RNF6: variants seen among roughly 807,000 people sequenced by gnomAD.
RNF6 encodes the protein ring finger protein 6, also known as E3 ubiquitin-protein ligase RNF6.
RNF6 carries 21 observed loss-of-function variants against 50.1 expected under a neutral mutation model. The ratio of observed to expected loss-of-function variants is 0.42; its 90% confidence interval spans 0.30 to 0.60. The LOEUF is 0.60. RNF6 is among the 20% of genes least tolerant of loss of function. RNF6 has a pLI of 0.20. For missense variants in RNF6, 698 were observed against 838.2 expected (o/e 0.83, Z 2.07); for synonymous variants, 255 against 291.8 (o/e 0.87, Z 1.29).
chr13:26,175,635 A>G (rs957443862), intron 5 of RNF6, among the ~76,000 whole-genome samples: 4 of 152,154 alleles, frequency 2.6e-5, no homozygotes, highest in African/African-American at 9.7e-5. Context: ...GGTGCAGGCC[A>G]AGAGCTGCCT....
At chr13:26,142,061 G>A (rs1341860488) in intron 5 of RNF6, among the ~76,000 whole-genome samples, 1 of 151,930 alleles carries the variant, frequency 6.6e-6, no homozygotes, top group Non-Finnish European at 1.5e-5. Flanking sequence ...ATTAAAACGT[G>A]GGCTAAGAAC....
chr13:26,192,811 C>T (rs1868514581), intron 5 of RNF6, among the ~76,000 whole-genome samples: 1 of 152,174 alleles, frequency 6.6e-6, no homozygotes, highest in South Asian at 2.1e-4. Flanking sequence ...AGATGAGACC[C>T]CAGCCTTGGC....
chr13:26,203,111 G>T (rs1216429995), intron 5 of RNF6, among the ~76,000 whole-genome samples: 1 of 152,230 alleles, frequency 6.6e-6, no homozygotes, highest in Admixed American at 6.5e-5. Flanking sequence ...GCCATGAGCT[G>T]ACATCTGTCA....
intron 5 of RNF6, chr13:26,154,036 T>C (rs1459728092): frequency 6.6e-6 from 1 of 152,250 alleles, no homozygotes; most frequent in Non-Finnish European, 1.5e-5. Context: ...CCTTAAACTC[T>C]TTAAGAATCC....
chr13:26,193,856 C>T (rs1868556437), intron 5 of RNF6, among the ~76,000 whole-genome samples: 1 of 152,106 alleles, frequency 6.6e-6, no homozygotes, highest in African/African-American at 2.4e-5. Context: ...GAGAAAAGAG[C>T]ATGCATGGGC....
chr13:26,145,379 C>G (rs576489589), intron 5 of RNF6, among the ~76,000 whole-genome samples: 17 of 150,158 alleles, frequency 1.1e-4, no homozygotes, highest in Non-Finnish European at 1.9e-4. Context: ...TGTCCCCACC[C>G]AAATCTCATG....
chr13:26,170,239 CA>C (rs10712832), intron 5 of RNF6, among the ~76,000 whole-genome samples: 99,623 of 139,040 alleles, frequency 0.72, 34,239 homozygotes, highest in East Asian at 0.79. Flanking sequence ...CTGGATTTTA[CA>C]AAAAAAAAAA....
intron 5 of RNF6, among the ~76,000 whole-genome samples, chr13:26,164,833 A>T (rs887908331): frequency 6.6e-6 from 1 of 152,154 alleles, no homozygotes. Context: ...GCTGTTAAAG[A>T]CATTCAGTTT....
intron 5 of RNF6, among the ~76,000 whole-genome samples, chr13:26,141,099 T>G (rs147682394): frequency 2.3e-4 from 35 of 152,244 alleles, no homozygotes; most frequent in African/African-American, 7.2e-4. Context: ...AATGCCAACA[T>G]CATTTTTCAC....
intron 5 of RNF6, among the ~76,000 whole-genome samples, chr13:26,196,399 C>T (rs1234237351): frequency 6.6e-6 from 1 of 152,060 alleles, no homozygotes; most frequent in Non-Finnish European, 1.5e-5. Flanking sequence ...GCCTGTAATC[C>T]CAGCACTTTG....
At chr13:26,167,536 A>G (rs1415197892) in intron 5 of RNF6, among the ~76,000 whole-genome samples, 3 of 152,234 alleles carry the variant, frequency 2.0e-5, no homozygotes, top group African/African-American at 7.2e-5. Flanking sequence ...TTATTATTAA[A>G]AAGTCAAAAA....
chr13:26,220,092 T>C (rs1160808181), intron 2 of RNF6, among the ~76,000 whole-genome samples: 1 of 152,230 alleles, frequency 6.6e-6, no homozygotes, highest in Non-Finnish European at 1.5e-5. Flanking sequence ...ACTGGGATGA[T>C]ATAATTTACA....
At chr13:26,151,599 T>C (rs931823326) in intron 5 of RNF6, among the ~76,000 whole-genome samples, 8 of 137,598 alleles carry the variant, frequency 5.8e-5, no homozygotes, top group African/African-American at 2.1e-4. Context: ...AACTGAACCT[T>C]TTCTCCTTTT....
At chr13:26,205,068 T>C (rs1279891623) in intron 5 of RNF6, among the ~76,000 whole-genome samples, 1 of 152,038 alleles carries the variant, frequency 6.6e-6, no homozygotes, top group African/African-American at 2.4e-5. Flanking sequence ...GGCCCAAACT[T>C]CCCCAAAGTC....
intron 3 of RNF6, 94 bp downstream of exon 3, chr13:26,219,363 G>A: frequency 9.4e-7 from 1 of 1,063,328 alleles, no homozygotes; most frequent in Non-Finnish European, 1.3e-6. Flanking sequence ...TTCATAAAGA[G>A]AAGCAAGGAA....
chr13:26,154,507 A>G (rs1037104546), intron 5 of RNF6, among the ~76,000 whole-genome samples: 7 of 152,210 alleles, frequency 4.6e-5, no homozygotes, highest in Non-Finnish European at 1.0e-4. Context: ...TTCACTAATG[A>G]TTGAGACCAT....
chr13:26,187,955 T>C (rs1873635689), intron 5 of RNF6, among the ~76,000 whole-genome samples: 1 of 152,204 alleles, frequency 6.6e-6, no homozygotes, highest in South Asian at 2.1e-4. Context: ...TGTCAAAAAA[T>C]AGAACTAGAA....
chr13:26,179,884 G>A (rs922658274), intron 5 of RNF6, among the ~76,000 whole-genome samples: 1 of 152,204 alleles, frequency 6.6e-6, no homozygotes, highest in East Asian at 1.9e-4. Context: ...GGACATCCAG[G>A]CTGGCCTGAA....
At chr13:26,138,336 C>T (rs538460839) in intron 5 of RNF6, among the ~76,000 whole-genome samples, 1 of 152,064 alleles carries the variant, frequency 6.6e-6, no homozygotes, top group Admixed American at 6.6e-5. Context: ...ATAGACTTGC[C>T]CTACAATAAA....
Sources: allele counts gnomAD v4.1 joint callset (sites outside exome capture counted in the v4.1 genomes callset), GRCh38; gene constraint gnomAD v4.1.1; transcripts MANE v1.5; gene names NCBI Gene and HGNC (gene_info 2026-07-23, HGNC 2026-07-21).